Variants in MYO1B observed in about 807,000 individuals in gnomAD.
MYO1B encodes the protein unconventional myosin-Ib.
In MYO1B, 72 loss-of-function variants were observed where a neutral mutation model predicts 159.7. The ratio of observed to expected loss-of-function variants is 0.45; its 90% CI spans 0.37 to 0.55. MYO1B has a LOEUF of 0.55. MYO1B is among the 20% of genes least tolerant of loss of function. The pLI is 0.00. For missense variants in MYO1B, 1,062 were observed against 1,364.8 expected (o/e 0.78, Z 3.50); for synonymous variants, 468 against 473.8 (o/e 0.99, Z 0.16).
At chr2:191,330,170 A>G in intron 4 of MYO1B, 141 bp downstream of exon 4, 1 of 616,048 alleles carries the variant, frequency 1.6e-6, no homozygotes, top group East Asian at 2.9e-5. Context: ...ACTGGTTAGG[A>G]ACACAGAATG....
At chr2:191,370,179 G>A (rs1161848536) in intron 12 of MYO1B, 48 bp from the exon 13 acceptor site, 2 of 1,233,024 alleles carry the variant, frequency 1.6e-6, no homozygotes, top group African/African-American at 1.5e-5. Context: ...TGCTTGTAGT[G>A]TTATATTTCA....
Position 191,383,345 on chromosome 2 carries a change from G to A in MYO1B, c.1353+3G>A, listed in dbSNP as rs755940854. The A allele has an allele frequency of 6.4e-6, 10 of 1,563,742 alleles. No individual in the cohort carries two copies. In the East Asian group the frequency reaches 2.4e-4, roughly 38 times the overall value. Reference sequence around the variant, plus strand: ...TCATTTGTGACCTAATAGAAAATGTGAGTACTTAGGTACAGTTTTCTAAAG... The same window carrying A: ...TCATTTGTGACCTAATAGAAAATGTAAGTACTTAGGTACAGTTTTCTAAAG... On this transcript the variant is annotated splice_donor_region_variant and intron_variant, in intron 15 of 30. Coordinates refer to ENST00000392318, the MANE Select transcript of MYO1B (RefSeq NM_001130158.3).
intron 1 of MYO1B, among the ~76,000 whole-genome samples, chr2:191,247,544 G>A (rs1417267955): frequency 6.6e-6 from 1 of 152,174 alleles, no homozygotes; most frequent in Non-Finnish European, 1.5e-5. Context: ...GTTGAAATGG[G>A]ATGGTGTCCA....
At chr2:191,370,125 T>G in intron 12 of MYO1B, 102 bp from the exon 13 acceptor site, 2 of 764,646 alleles carry the variant, frequency 2.6e-6, no homozygotes, top group Non-Finnish European at 4.2e-6. Flanking sequence ...TTTTCTTACT[T>G]AAGAAACATA....
At chr2:191,312,118 A>G (rs1690038494) in intron 3 of MYO1B, among the ~76,000 whole-genome samples, 1 of 152,188 alleles carries the variant, frequency 6.6e-6, no homozygotes, top group Non-Finnish European at 1.5e-5. Context: ...GATGTTTACA[A>G]ATATATTGCA....
chr2:191,379,185 A>G (rs1227354849), intron 13 of MYO1B: 1 of 152,676 alleles, frequency 6.5e-6, no homozygotes, highest in Non-Finnish European at 1.5e-5. Context: ...ATGAATAACT[A>G]TCAATACATG....
In MYO1B at chr2:191,396,413, C is replaced by T. The variant is rs1363060295; in HGVS notation, c.2227-16C>T. 1 of 1,613,664 alleles carries T rather than the reference C, an allele frequency of 6.2e-7. No individual in the cohort carries two copies. On this transcript the variant is annotated splice_polypyrimidine_tract_variant and intron_variant, in intron 20 of 30. Coordinates refer to ENST00000392318, the MANE Select transcript of MYO1B (RefSeq NM_001130158.3). ...ATTAACTACAACTGCCAATATCTTC[C>T]CCTTTTATCCTACAGCAACAAAAGA...
At chr2:191,305,340 A>G (rs991104079) in intron 3 of MYO1B, among the ~76,000 whole-genome samples, 1 of 152,230 alleles carries the variant, frequency 6.6e-6, no homozygotes, top group Non-Finnish European at 1.5e-5. Flanking sequence ...TAGCAAAGCC[A>G]GGGATAATGA....
In MYO1B at chr2:191,423,965, C is replaced by T. The variant is rs374677707; in HGVS notation, c.*5C>T. 361 of 1,611,416 alleles carry T rather than the reference C, an allele frequency of 2.2e-4. No individual in the cohort carries two copies. Among genetic ancestry groups the T allele is most frequent in the Non-Finnish European group, 2.8e-4 (336 of 1,178,950 alleles). On this transcript the variant is annotated 3_prime_UTR_variant, in exon 31 of 31. Coordinates refer to ENST00000392318, the MANE Select transcript of MYO1B (RefSeq NM_001130158.3). ...CTTGAAGTTGCTGTCCCTTAACTGG[C>T]GCCTCCTCTCTACTTTCATGGACTT... is the stretch of plus-strand genomic sequence containing the variant.
At chr2:191,298,443 T>C (rs960993419) in intron 3 of MYO1B, among the ~76,000 whole-genome samples, 1 of 152,194 alleles carries the variant, frequency 6.6e-6, no homozygotes, top group African/African-American at 2.4e-5. Flanking sequence ...CAAAGTATGG[T>C]GCTTGGACCA....
rs576727282 is a variant in MYO1B at position 191,265,106 on chromosome 2, C to T, written c.-9-11781C>T. Among the ~76,000 whole-genome samples the T allele has an allele frequency of 4.6e-5, 7 of 152,038 alleles. 1 individual carries two copies. The South Asian group carries it at 1.5e-3, about 32-fold the overall frequency. On this transcript the variant is annotated intron_variant, in intron 1 of 30. Coordinates refer to ENST00000392318, the MANE Select transcript of MYO1B (RefSeq NM_001130158.3). ...TGGAGGGATAATTTTCTTCCTTAAC[C>T]TACAAACAAGAATAGTGCACTAAAT...
intron 3 of MYO1B, among the ~76,000 whole-genome samples, chr2:191,314,752 A>G (rs930869839): frequency 6.6e-6 from 1 of 152,224 alleles, no homozygotes; most frequent in Non-Finnish European, 1.5e-5. Flanking sequence ...TAGAAGGTGA[A>G]GAAATATGAA....
chr2:191,413,208 T>C (rs1362740975), intron 27 of MYO1B, among the ~76,000 whole-genome samples: 1 of 152,178 alleles, frequency 6.6e-6, no homozygotes, highest in African/African-American at 2.4e-5. Flanking sequence ...GTTGAAAATA[T>C]CATAAGTTGA....
chr2:191,323,850 A>T lies in MYO1B; in HGVS notation c.252-6085A>T, dbSNP rs1690883902. ...GTAGCCAAAGGAAAGCAACATGGCC[A>T]CTTATGTTTAGGATATAAGAATGTA... On this transcript the variant is annotated intron_variant, in intron 3 of 30. Transcript: ENST00000392318. Among the ~76,000 whole-genome samples, 3 of 152,128 alleles carry T rather than the reference A, an allele frequency of 2.0e-5. No individual in the cohort carries two copies. The East Asian group carries it at 5.8e-4, about 29-fold the overall frequency.
At chr2:191,265,842 C>T (rs992895747) in intron 1 of MYO1B, among the ~76,000 whole-genome samples, 12 of 152,118 alleles carry the variant, frequency 7.9e-5, no homozygotes, top group Non-Finnish European at 8.8e-5. Flanking sequence ...TTTTTTCAGA[C>T]GTTAGCTCAT....
At chr2:191,371,558 C>T (rs896663261) in intron 13 of MYO1B, among the ~76,000 whole-genome samples, 4 of 152,142 alleles carry the variant, frequency 2.6e-5, no homozygotes, top group African/African-American at 9.7e-5. Context: ...TCAACTAACT[C>T]CCCAGGGTTA....
chr2:191,423,939 C>G lies in MYO1B; in HGVS notation c.3390C>G (p.Leu1130=), dbSNP rs1306572905. 5 of 1,613,782 alleles carry G rather than the reference C, an allele frequency of 3.1e-6. No homozygotes were observed. The highest frequency in any genetic ancestry group is 3.4e-6 in the Non-Finnish European group (4 of 1,179,852). Residue 1130 remains leucine, a synonymous_variant, in exon 31 of 31, where the codon CTC becomes CTG. Transcript: ENST00000392318. The stretch of plus-strand genomic sequence containing the variant: ...CATGTAAACGAAAAAACAACCGTCT[C>G]CTTGAAGTTGCTGTCCCTTAACTGG... The part of the protein sequence containing the change: ...VPTCKRKNNR[L]LEVAVP
chr2:191,351,199 AAAAAG>A (rs1027268796), intron 7 of MYO1B, among the ~76,000 whole-genome samples: 8 of 152,156 alleles, frequency 5.3e-5, no homozygotes, highest in South Asian at 2.1e-4. Context: ...AAAAAAAAAA[AAAAAG>A]AAAGTTGACT....
intron 2 of MYO1B, among the ~76,000 whole-genome samples, chr2:191,287,352 T>A (rs6751297): frequency 0.95 from 144,485 of 152,050 alleles, 69,084 homozygotes; most frequent in East Asian, 1. Flanking sequence ...ACATGGTGAA[T>A]CCACCTCTCT....
Sources: gnomAD v4.1 joint callset for allele counts (sites outside exome capture counted in the v4.1 genomes callset) on GRCh38, gnomAD v4.1.1 for gene constraint, MANE v1.5 for transcripts, NCBI Gene and HGNC (gene_info 2026-07-23, HGNC 2026-07-21) for gene names.